TRABD2A: variants seen among roughly 807,000 people sequenced by gnomAD.
TRABD2A encodes metalloprotease TIKI1.
TRABD2A carries 43 observed loss-of-function variants against 45.6 expected under a neutral mutation model. The observed-to-expected ratio is 0.94, with a 90% CI of 0.74 to 1.22. The LOEUF (loss-of-function observed/expected upper bound fraction) is 1.22, where lower values mean the gene tolerates loss of function less well. Among genes scored for constraint, TRABD2A ranks in the 50% most tolerant of loss-of-function variants. The probability of loss-of-function intolerance (pLI) is 0.00; values close to 1 mark genes in which losing one functional copy is unlikely to be tolerated. For missense variants in TRABD2A, 642 were observed against 652.4 expected (o/e 0.98, Z 0.17); for synonymous variants, 269 against 265.0 (o/e 1.02, Z -0.15).
At chr2:84,824,546 C>CTTTTTTT (rs33984190) in intron 5 of TRABD2A, among the ~76,000 whole-genome samples, 1 of 106,096 alleles carries the variant, frequency 9.4e-6, no homozygotes, top group Non-Finnish European at 1.9e-5. Context: ...ACAATTATAG[C>CTTTTTTT]TTTTTTTTTT....
In TRABD2A at chr2:84,824,125, C is replaced by T. The variant is rs1681079303; in HGVS notation, c.1162G>A (p.Ala388Thr). 1 of 1,613,844 alleles carries T rather than the reference C, an allele frequency of 6.2e-7. No homozygotes were observed. Among genetic ancestry groups the T allele is most frequent in the South Asian group, 1.1e-5 (1 of 91,070 alleles). The change falls in exon 6 of 7, where the codon GCA (alanine) becomes ACA (threonine). Residue 388 changes from alanine to threonine, a missense_variant. Physicochemically the swap from Ala to Thr is moderately conservative, Grantham distance 58. Coordinates refer to ENST00000409520, the MANE Select transcript of TRABD2A (RefSeq NM_001277053.2). ...APKVPTLEVP[A>T]PEAVSSGHST... ...TGCCCTGAGGATACGGCTTCTGGTG[C>T]CGGTACTTCCAGGGTAGGGACTTTT...
intron 2 of TRABD2A, chr2:84,843,538 T>C (rs1681780773): frequency 6.6e-6 from 1 of 152,210 alleles, no homozygotes; most frequent in Non-Finnish European, 1.5e-5. Flanking sequence ...TGAGACTGGG[T>C]AATTTATGAG....
intron 2 of TRABD2A, among the ~76,000 whole-genome samples, chr2:84,852,099 G>A (rs1221905909): frequency 6.6e-6 from 1 of 152,190 alleles, no homozygotes; most frequent in East Asian, 1.9e-4. Flanking sequence ...CTCTGGTTAT[G>A]TTGTGGGGAG....
chr2:84,829,876 T>TAC (rs140126886), intron 5 of TRABD2A, among the ~76,000 whole-genome samples: 1 of 132,124 alleles, frequency 7.6e-6, no homozygotes, highest in Non-Finnish European at 1.6e-5. Context: ...ACATGCACAC[T>TAC]ACACACACAC....
At chr2:84,864,623 G>A (rs892659495) in intron 2 of TRABD2A, among the ~76,000 whole-genome samples, 7 of 152,034 alleles carry the variant, frequency 4.6e-5, no homozygotes, top group South Asian at 2.1e-4. Context: ...GGCCTCTCTC[G>A]GGTTAGTCCA....
At chr2:84,829,935 T>C (rs1341742861) in intron 5 of TRABD2A, among the ~76,000 whole-genome samples, 10 of 127,516 alleles carry the variant, frequency 7.8e-5, no homozygotes, top group Admixed American at 5.0e-4. Flanking sequence ...ACACAAACCC[T>C]ACACACAAAC....
In TRABD2A at chr2:84,870,544, C is replaced by G; in HGVS notation, c.350G>C (p.Arg117Thr). 4 of 1,613,972 alleles carry G rather than the reference C, an allele frequency of 2.5e-6. No homozygotes were observed. The highest frequency in any genetic ancestry group is 3.4e-6 in the Non-Finnish European group (4 of 1,179,850). ...GCGCTTGAGGCGGCAGTAGATGTCC[C>G]TGGGGAGCACATCTTGGAGGTTCTC... ...QGENLQDVLP[R>T]DIYCRLKRHL... The change falls in exon 2 of 7, where the codon AGG becomes ACG. Residue 117 changes from arginine to threonine, a missense_variant. By Grantham distance (71) the Arg-to-Thr change is moderately conservative. Transcript: ENST00000409520.
chr2:84,865,146 T>C (rs186549384), intron 2 of TRABD2A, among the ~76,000 whole-genome samples: 170 of 152,030 alleles, frequency 1.1e-3, no homozygotes, highest in African/African-American at 3.6e-3. Flanking sequence ...ACCCCAAAAC[T>C]ATAGCTCAAG....
At chr2:84,862,582 T>C (rs958543772) in intron 2 of TRABD2A, among the ~76,000 whole-genome samples, 3 of 152,070 alleles carry the variant, frequency 2.0e-5, no homozygotes, top group African/African-American at 4.8e-5. Context: ...TCCAGGTACC[T>C]GTACAAAAAT....
chr2:84,849,476 C>A (rs1290242887), intron 2 of TRABD2A: 1 of 152,282 alleles, frequency 6.6e-6, no homozygotes, highest in East Asian at 1.9e-4. Flanking sequence ...CATCGTGCAT[C>A]CAGGGCTGCT....
intron 2 of TRABD2A, among the ~76,000 whole-genome samples, chr2:84,854,207 G>T (rs1464326997): frequency 6.6e-6 from 1 of 152,112 alleles, no homozygotes; most frequent in Admixed American, 6.6e-5. Flanking sequence ...GGTGTGCGTA[G>T]GTTATATCCA....
In TRABD2A at chr2:84,873,114, C is replaced by CAA. The variant is rs34974821; in HGVS notation, c.109-2331_109-2330dup. Among the ~76,000 whole-genome samples, 192 of 70,668 alleles carry CAA rather than the reference C, an allele frequency of 2.7e-3. 2 individuals are homozygous for CAA. The highest frequency in any genetic ancestry group is 0.011 in the East Asian group (23 of 2,078). 46.4% of individuals were successfully genotyped at this position (70,668 alleles called of 152,430 possible). A position where few individuals can be genotyped will look rare whatever the true frequency, so the allele number is the denominator to read the frequency against. The stretch of plus-strand genomic sequence containing the variant: ...TAGGGGACAGAGCGAGACTTCATCT[C>CAA]AAAAAAAAAAAAAAAAAAAATTTAG... On this transcript the variant is annotated intron_variant, in intron 1 of 6. Transcript: ENST00000409520.
At chr2:84,853,888 C>T (rs147157472) in intron 2 of TRABD2A, among the ~76,000 whole-genome samples, 8,329 of 152,130 alleles carry the variant, frequency 0.055, 813 homozygotes, top group African/African-American at 0.19. Context: ...GGCATGGTGG[C>T]GCACACCTGT....
At chr2:84,843,937 C>A (rs1452049844) in intron 2 of TRABD2A, 1 of 152,202 alleles carries the variant, frequency 6.6e-6, no homozygotes, top group African/African-American at 2.4e-5. Context: ...CAACCTTAAC[C>A]AAAGGAGACA....
chr2:84,839,052 G>C, intron 4 of TRABD2A, 97 bp downstream of exon 4: 3 of 1,408,814 alleles, frequency 2.1e-6, no homozygotes, highest in South Asian at 2.7e-5. Context: ...CTCGCTTCAT[G>C]ACTAACACAG....
chr2:84,869,973 C>CAAAAA (rs36090318), intron 2 of TRABD2A, among the ~76,000 whole-genome samples: 2,143 of 76,212 alleles, frequency 0.028, 20 homozygotes, highest in African/African-American at 0.04. Flanking sequence ...GACTCTGTCC[C>CAAAAA]AAAAAAAAAA....
At chr2:84,848,802 G>A (rs1681991739) in intron 2 of TRABD2A, among the ~76,000 whole-genome samples, 1 of 151,890 alleles carries the variant, frequency 6.6e-6, no homozygotes, top group Non-Finnish European at 1.5e-5. Context: ...TTGAACTCCT[G>A]GCCTCAAGTG....
intron 2 of TRABD2A, among the ~76,000 whole-genome samples, chr2:84,856,096 T>TA (rs1335209847): frequency 6.6e-6 from 1 of 152,160 alleles, no homozygotes; most frequent in Non-Finnish European, 1.5e-5. Flanking sequence ...GTCTTCTTTT[T>TA]ATCTTAGTTC....
rs1219446718 is a variant in TRABD2A, at chr2:84,821,688, A to G, written c.*229T>C. On this transcript the variant is annotated 3_prime_UTR_variant, in exon 7 of 7. Transcript: ENST00000409520. ...GTATTTATTTTCATACAACTCATTT[A>G]TAATTTATTTTCACACAACTCACTA... 1 of 383,162 alleles carries G rather than the reference A, an allele frequency of 2.6e-6. No homozygotes were observed. The highest frequency in any genetic ancestry group is 2.1e-5 in the African/African-American group (1 of 48,306). The allele number at this position is 383,162 out of a possible 1,614,324, so 23.7% of individuals were successfully genotyped here. A position where few individuals can be genotyped will look rare whatever the true frequency, so the allele number is the denominator to read the frequency against.
Sources: allele counts gnomAD v4.1 joint callset (sites outside exome capture counted in the v4.1 genomes callset), GRCh38; gene constraint gnomAD v4.1.1; transcripts MANE v1.5; gene names NCBI Gene and HGNC (gene_info 2026-07-23, HGNC 2026-07-21).